Variants in EIF4EBP2 observed in about 807,000 individuals in gnomAD.
The protein encoded by EIF4EBP2 is eukaryotic translation initiation factor 4E-binding protein 2.
In EIF4EBP2, 5 loss-of-function variants were observed where a neutral mutation model predicts 10.3. The observed-to-expected ratio is 0.48, with a 90% CI of 0.25 to 1.02. The LOEUF (loss-of-function observed/expected upper bound fraction) is 1.02, where lower values mean the gene tolerates loss of function less well. Ranked by LOEUF, EIF4EBP2 falls within the 50% of genes least tolerant of loss-of-function variation. EIF4EBP2 has a pLI of 0.15. For missense variants in EIF4EBP2, 188 were observed against 162.2 expected, an observed-to-expected ratio of 1.16 and a Z score of -0.86; for synonymous variants, 67 against 61.1, an observed-to-expected ratio of 1.10 and a Z score of -0.45.
intron 1 of EIF4EBP2, among the ~76,000 whole-genome samples, chr10:70,416,577 C>CAAA (rs370665696): frequency 1.8e-4 from 14 of 79,760 alleles, no homozygotes; most frequent in African/African-American, 5.4e-4. Context: ...GACTCTGTCT[C>CAAA]AAAAAAAAAA....
At chr10:70,413,772 A>T (rs920484253) in intron 1 of EIF4EBP2, among the ~76,000 whole-genome samples, 117 of 152,300 alleles carry the variant, frequency 7.7e-4, no homozygotes, top group African/African-American at 2.7e-3. Flanking sequence ...CCAATATAAG[A>T]CTAAGGAGCA....
At chr10:70,410,312 C>T (rs377101021) in intron 1 of EIF4EBP2, among the ~76,000 whole-genome samples, 11 of 152,276 alleles carry the variant, frequency 7.2e-5, no homozygotes, top group African/African-American at 2.4e-4. Flanking sequence ...TCAAGTGATC[C>T]GCCCACCTCG....
chr10:70,420,828 TC>T (rs1239532257), intron 2 of EIF4EBP2, among the ~76,000 whole-genome samples: 1 of 152,172 alleles, frequency 6.6e-6, no homozygotes, highest in African/African-American at 2.4e-5. Flanking sequence ...GGAGTCTTGC[TC>T]TGTTGCCCAG....
chr10:70,421,600 C>T (rs1448086902), intron 2 of EIF4EBP2, 116 bp from the exon 3 acceptor site: 4 of 902,536 alleles, frequency 4.4e-6, no homozygotes, highest in Non-Finnish European at 7.0e-6. Flanking sequence ...TTTAAGGCAG[C>T]AGAGAGTGGG....
chr10:70,417,777 T>C (rs933551209), intron 1 of EIF4EBP2, among the ~76,000 whole-genome samples: 1 of 152,220 alleles, frequency 6.6e-6, no homozygotes, highest in Non-Finnish European at 1.5e-5. Context: ...AGTTGACTCA[T>C]CTGACAGTGA....
At chr10:70,420,985 C>T (rs889777990) in intron 2 of EIF4EBP2, among the ~76,000 whole-genome samples, 3 of 151,952 alleles carry the variant, frequency 2.0e-5, no homozygotes, top group South Asian at 4.2e-4. Flanking sequence ...TTAGTAGAGA[C>T]GGGGTTTCAC....
intron 1 of EIF4EBP2, among the ~76,000 whole-genome samples, chr10:70,412,577 C>T (rs150756303): frequency 1.3e-5 from 2 of 152,262 alleles, no homozygotes; most frequent in Admixed American, 6.5e-5. Flanking sequence ...GAGGCCGTTA[C>T]GCTTGAATGA....
At chr10:70,410,701 CCTTT>C (rs1236580725) in intron 1 of EIF4EBP2, among the ~76,000 whole-genome samples, 1 of 152,208 alleles carries the variant, frequency 6.6e-6, no homozygotes, top group Non-Finnish European at 1.5e-5. Flanking sequence ...TCTGTTTTTT[CCTTT>C]CTTATTTTCC....
chr10:70,418,527 T>C (rs1381047952), intron 1 of EIF4EBP2, among the ~76,000 whole-genome samples: 1 of 152,198 alleles, frequency 6.6e-6, no homozygotes, highest in Non-Finnish European at 1.5e-5. Context: ...CTTAGAGACT[T>C]CTTAGGTCAC....
At chr10:70,409,233 C>T (rs1345104831) in intron 1 of EIF4EBP2, among the ~76,000 whole-genome samples, 2 of 152,088 alleles carry the variant, frequency 1.3e-5, no homozygotes, top group African/African-American at 4.8e-5. Context: ...GAAGAGTACC[C>T]TTTCTCCTTA....
At chr10:70,414,935 T>C (rs1252846556) in intron 1 of EIF4EBP2, among the ~76,000 whole-genome samples, 1 of 152,002 alleles carries the variant, frequency 6.6e-6, no homozygotes, top group African/African-American at 2.4e-5. Flanking sequence ...GGTGGGCAGA[T>C]GGCTTGAGCC....
In EIF4EBP2 at chr10:70,422,070, C is replaced by T. The variant is rs527528089; in HGVS notation, c.*323C>T. ...AGTTGTTTTTTTATTGAGAGCCACC[C>T]TCATACCCTGTAATTTTGTCCCAAA... On this transcript the variant is annotated 3_prime_UTR_variant, in exon 3 of 3. Transcript: ENST00000373218. 136 of 315,656 alleles carry T rather than the reference C, an allele frequency of 4.3e-4. No individual in the cohort carries two copies. The highest frequency in any genetic ancestry group is 2.5e-3 in the African/African-American group (120 of 48,182). The allele number at this position is 315,656 out of a possible 1,614,324, so 19.6% of individuals were successfully genotyped here.
At chr10:70,417,966 A>G (rs188945641) in intron 1 of EIF4EBP2, among the ~76,000 whole-genome samples, 193 of 152,306 alleles carry the variant, frequency 1.3e-3, no homozygotes, top group Non-Finnish European at 3.2e-4. Context: ...TTCCAAACCC[A>G]CCAGACTAGA....
At chr10:70,419,827 C>T in intron 1 of EIF4EBP2, 87 bp from the exon 2 acceptor site, 1 of 980,050 alleles carries the variant, frequency 1.0e-6, no homozygotes, top group Non-Finnish European at 1.5e-6. Flanking sequence ...GTTAGGATTA[C>T]ATGGGATTTA....
At position 70,422,000 on chromosome 10, in the gene EIF4EBP2, A is replaced by G. The variant is rs372365365; in HGVS notation, c.*253A>G. The G allele has an allele frequency of 2.1e-6, 1 of 473,308 alleles. No individual in the cohort carries two copies. The highest frequency in any genetic ancestry group is 1.9e-5 in the African/African-American group (1 of 52,046). The allele number at this position is 473,308 out of a possible 1,614,324, so 29.3% of individuals were successfully genotyped here. On this transcript the variant is annotated 3_prime_UTR_variant, in exon 3 of 3. Coordinates refer to ENST00000373218, the MANE Select transcript of EIF4EBP2 (RefSeq NM_004096.5). ...GAAGGCCCTTGCTGTATTTCTGTAG[A>G]GCTAAGCAGCCCTTAGAGGAAAACA... is the stretch of plus-strand genomic sequence containing the variant.
intron 1 of EIF4EBP2, among the ~76,000 whole-genome samples, chr10:70,410,313 G>A (rs987801970): frequency 3.9e-5 from 6 of 152,056 alleles, no homozygotes; most frequent in African/African-American, 7.2e-5. Flanking sequence ...CAAGTGATCC[G>A]CCCACCTCGG....
Position 70,404,494 on chromosome 10 carries a change from T to C in EIF4EBP2, c.93T>C (p.Pro31=). The C allele has an allele frequency of 1.3e-6, 2 of 1,599,150 alleles. No homozygotes were observed. Among genetic ancestry groups the C allele is most frequent in the Non-Finnish European group, 1.7e-6 (2 of 1,175,112 alleles). The change falls in exon 1 of 3, where the codon CCT becomes CCC. Residue 31 remains proline, a synonymous_variant. Transcript: ENST00000373218. ...TVAISDAAQL[P]HDYCTTPGGT... is the part of the protein sequence containing the mutation. ...CCATCAGCGACGCCGCGCAGCTACCTCATGACTATTGCACCACGCCCGGGG... is the reference window on the plus strand; with the variant it reads ...CCATCAGCGACGCCGCGCAGCTACCCCATGACTATTGCACCACGCCCGGGG...
Position 70,422,633 on chromosome 10 carries a change from G to C in EIF4EBP2, c.*886G>C, listed in dbSNP as rs957077498. On this transcript the variant is annotated 3_prime_UTR_variant, in exon 3 of 3. Transcript: ENST00000373218. ...TAGAGCAGGTCCATACCAAGTAATAGAGGCACTTTAGCTTCCACTTGGTGG... is the reference window on the plus strand; with the variant it reads ...TAGAGCAGGTCCATACCAAGTAATACAGGCACTTTAGCTTCCACTTGGTGG... The C allele has an allele frequency of 3.3e-5, 5 of 152,130 alleles. No individual in the cohort carries two copies. Among genetic ancestry groups the C allele is most frequent in the African/African-American group, 1.2e-4 (5 of 41,436 alleles). The allele number at this position is 152,130 out of a possible 1,614,324, so 9.4% of individuals were successfully genotyped here. A position where few individuals can be genotyped will look rare whatever the true frequency, so the allele number is the denominator to read the frequency against.
chr10:70,415,868 CAAAA>C (rs1564662266), intron 1 of EIF4EBP2, among the ~76,000 whole-genome samples: 1 of 136,422 alleles, frequency 7.3e-6, no homozygotes, highest in Non-Finnish European at 1.6e-5. Context: ...AAAGCACAAA[CAAAA>C]GAAAAAAAAA....
Sources: gnomAD v4.1 joint callset for allele counts (sites outside exome capture counted in the v4.1 genomes callset) on GRCh38, gnomAD v4.1.1 for gene constraint, MANE v1.5 for transcripts, NCBI Gene and HGNC (gene_info 2026-07-23, HGNC 2026-07-21) for gene names.